The following BMP6 variants were observed in gnomAD, a reference collection of about 807,000 sequenced individuals.
The protein encoded by BMP6 is bone morphogenetic protein 6.
A neutral mutation model predicts 54.1 loss-of-function variants in BMP6; 17 were observed. The observed-to-expected ratio is 0.31, with a 90% CI of 0.22 to 0.47. The LOEUF (loss-of-function observed/expected upper bound fraction) is 0.47. Ranked by LOEUF, BMP6 falls within the 20% of genes least tolerant of loss-of-function variation. BMP6 has a pLI of 1.00. For synonymous variants in BMP6, 328 were observed against 291.2 expected (o/e 1.13, Z -1.28); for missense variants, 720 against 690.4 (o/e 1.04, Z -0.48).
chr6:7,839,544 A>G (rs1302379005), intron 1 of BMP6, among the ~76,000 whole-genome samples: 1 of 152,194 alleles, frequency 6.6e-6, no homozygotes, highest in East Asian at 1.9e-4. Context: ...GCTACCTCAT[A>G]TAAGTGGAAT....
At chr6:7,797,725 G>C (rs1399060494) in intron 1 of BMP6, among the ~76,000 whole-genome samples, 1 of 152,052 alleles carries the variant, frequency 6.6e-6, no homozygotes, top group East Asian at 1.9e-4. Flanking sequence ...GAGATGGCTT[G>C]GTTCATCTCT....
At chr6:7,771,557 G>A (rs1235870526) in intron 1 of BMP6, among the ~76,000 whole-genome samples, 1 of 152,184 alleles carries the variant, frequency 6.6e-6, no homozygotes, top group Non-Finnish European at 1.5e-5. Flanking sequence ...AGATTATCCA[G>A]TAAGTGCGTG....
rs1045324211 is a variant in BMP6 at position 7,823,419 on chromosome 6, A to G, written c.665-21721A>G. Among the ~76,000 whole-genome samples the G allele has an allele frequency of 4.6e-5, 7 of 152,234 alleles. No individual in the cohort carries two copies. In the South Asian group the frequency reaches 8.3e-4, roughly 18 times the overall value. ...CTCAAAGAATTATTGACTATCAGCT[A>G]TGTGACATATGGGATATTAAAAGGC... On this transcript the variant is annotated intron_variant, in intron 1 of 6. Transcript: ENST00000283147.
At chr6:7,864,314 G>A (rs1160611159) in intron 4 of BMP6, among the ~76,000 whole-genome samples, 1 of 152,158 alleles carries the variant, frequency 6.6e-6, no homozygotes, top group Non-Finnish European at 1.5e-5. Context: ...CATTTAATCT[G>A]TTTCAGCTTC....
At chr6:7,767,490 C>T (rs1757710408) in intron 1 of BMP6, among the ~76,000 whole-genome samples, 1 of 151,884 alleles carries the variant, frequency 6.6e-6, no homozygotes, top group African/African-American at 2.4e-5. Flanking sequence ...CTGAGCCCCA[C>T]CACGGAGATT....
chr6:7,811,043 C>G (rs371849434), intron 1 of BMP6, among the ~76,000 whole-genome samples: 10 of 152,340 alleles, frequency 6.6e-5, no homozygotes, highest in Middle Eastern at 3.4e-3. Context: ...GGGCCCCCAC[C>G]ATGGCCTGAT....
intron 1 of BMP6, among the ~76,000 whole-genome samples, chr6:7,830,139 A>G (rs554770068): frequency 2.6e-4 from 40 of 152,218 alleles, no homozygotes; most frequent in African/African-American, 9.4e-4. Context: ...TTCTTTTGGC[A>G]AGAGCACCCC....
chr6:7,824,479 G>T lies in BMP6; in HGVS notation c.665-20661G>T, dbSNP rs190784090. On this transcript the variant is annotated intron_variant, in intron 1 of 6. Transcript: ENST00000283147. ...AAACAATAGAGGGAGGAGGTTGTGT[G>T]ATCTTTTAGTTTATCTCAAGGATAT... 2.0e-5 allele frequency among the ~76,000 whole-genome samples: 3 copies of T among 152,246 alleles called. No individual in the cohort carries two copies. The East Asian group carries it at 5.8e-4, about 29-fold the overall frequency.
chr6:7,800,082 G>C (rs1287834550), intron 1 of BMP6, among the ~76,000 whole-genome samples: 1 of 38,064 alleles, frequency 2.6e-5, no homozygotes, highest in African/African-American at 1.4e-4. Context: ...AGGAAGGGGT[G>C]TGTGTGTGTG....
chr6:7,814,478 TTA>T (rs919978779), intron 1 of BMP6, among the ~76,000 whole-genome samples: 3 of 152,226 alleles, frequency 2.0e-5, no homozygotes, highest in African/African-American at 7.2e-5. Context: ...TTGCTGTTCT[TTA>T]GTTTGAGTGT....
At chr6:7,766,949 ATTT>A (rs1757700700) in intron 1 of BMP6, among the ~76,000 whole-genome samples, 1 of 123,622 alleles carries the variant, frequency 8.1e-6, no homozygotes. Flanking sequence ...TTTTATTTTT[ATTT>A]TTTATTTATT....
At chr6:7,774,607 C>T (rs559127280) in intron 1 of BMP6, among the ~76,000 whole-genome samples, 8 of 152,010 alleles carry the variant, frequency 5.3e-5, no homozygotes, top group South Asian at 2.1e-4. Flanking sequence ...CCTAGCTACT[C>T]GAGAGGTTGA....
Position 7,846,853 on chromosome 6 carries a change from T to C in BMP6, c.857+1521T>C, listed in dbSNP as rs113862886. Among the ~76,000 whole-genome samples the C allele has an allele frequency of 7.3e-3, 1,109 of 152,342 alleles. 11 individuals are homozygous for C. Among genetic ancestry groups the C allele is most frequent in the African/African-American group, 0.025 (1,042 of 41,586 alleles). On this transcript the variant is annotated intron_variant, in intron 2 of 6. Coordinates refer to ENST00000283147, the MANE Select transcript of BMP6 (RefSeq NM_001718.6). ...CTGTTTTAGCCATTGATTTTCAGTC[T>C]GCCTAATTATTTATTTCATTATGTT...
chr6:7,819,154 G>A (rs1412082853), intron 1 of BMP6, among the ~76,000 whole-genome samples: 6 of 152,118 alleles, frequency 3.9e-5, no homozygotes, highest in East Asian at 3.9e-4. Context: ...CTGTTCACGC[G>A]TGCACATGTG....
At chr6:7,728,990 T>C (rs1177435471) in intron 1 of BMP6, among the ~76,000 whole-genome samples, 1 of 152,170 alleles carries the variant, frequency 6.6e-6, no homozygotes, top group East Asian at 1.9e-4. Context: ...GCAGGGCGAT[T>C]GGCATCCAAG....
intron 1 of BMP6, among the ~76,000 whole-genome samples, chr6:7,791,039 T>C (rs1758096828): frequency 6.6e-6 from 1 of 152,074 alleles, no homozygotes; most frequent in Admixed American, 6.5e-5. Flanking sequence ...CTCTCCCCTC[T>C]CCTCCGACAA....
intron 1 of BMP6, among the ~76,000 whole-genome samples, chr6:7,753,996 T>A (rs945610982): frequency 6.6e-6 from 1 of 152,220 alleles, no homozygotes; most frequent in Non-Finnish European, 1.5e-5. Context: ...ATAATATGGT[T>A]GATCTTGGTG....
chr6:7,786,844 C>T (rs1758027652), intron 1 of BMP6, among the ~76,000 whole-genome samples: 1 of 152,146 alleles, frequency 6.6e-6, no homozygotes, highest in Non-Finnish European at 1.5e-5. Context: ...CCTGAGGGCA[C>T]AGCAATTTGA....
intron 4 of BMP6, among the ~76,000 whole-genome samples, chr6:7,867,839 G>A (rs78011610): frequency 0.018 from 2,797 of 152,298 alleles, 95 homozygotes; most frequent in African/African-American, 0.063. Flanking sequence ...ACTCTTGTTC[G>A]AGGATAATGG....
Sources: gnomAD v4.1 joint callset for allele counts (sites outside exome capture counted in the v4.1 genomes callset) on GRCh38, gnomAD v4.1.1 for gene constraint, MANE v1.5 for transcripts, NCBI Gene and HGNC (gene_info 2026-07-23, HGNC 2026-07-21) for gene names.